The following PCDHGB5 variants were observed in gnomAD, a reference collection of about 807,000 sequenced individuals.
PCDHGB5 encodes the protein protocadherin gamma-B5.
Under a neutral mutation model 62.9 loss-of-function variants are expected in PCDHGB5, and 48 were observed. The observed-to-expected ratio is 0.76, with a 90% CI of 0.61 to 0.97. The LOEUF (loss-of-function observed/expected upper bound fraction) is 0.97, where lower values mean the gene tolerates loss of function less well. PCDHGB5 is among the 50% of genes least tolerant of loss of function. The probability of loss-of-function intolerance (pLI) is 0.00; values close to 1 mark genes in which losing one functional copy is unlikely to be tolerated. For missense variants in PCDHGB5, 1,118 were observed against 1,198.6 expected, an observed-to-expected ratio of 0.93 and a Z score of 0.99; for synonymous variants, 474 against 511.2, an observed-to-expected ratio of 0.93 and a Z score of 0.98.
intron 1 of PCDHGB5, chr5:141,420,315 A>G (rs755723069): frequency 6.2e-6 from 9 of 1,440,144 alleles, no homozygotes; most frequent in Non-Finnish European, 8.4e-6. Context: ...TTATATTACA[A>G]TATGCCAATA....
intron 1 of PCDHGB5, chr5:141,478,687 A>G: frequency 6.4e-7 from 1 of 1,551,218 alleles, no homozygotes; most frequent in Middle Eastern, 1.7e-4. Context: ...CCCTTCCTAG[A>G]TCAAAGTTAG....
At chr5:141,434,392 CA>C (rs1377925864) in intron 1 of PCDHGB5, among the ~76,000 whole-genome samples, 2 of 152,210 alleles carry the variant, frequency 1.3e-5, no homozygotes, top group Non-Finnish European at 2.9e-5. Context: ...TGGCCATAAA[CA>C]AAATCTCTGC....
intron 1 of PCDHGB5, chr5:141,414,687 T>G: frequency 1.2e-6 from 2 of 1,614,004 alleles, no homozygotes; most frequent in East Asian, 4.5e-5. Flanking sequence ...AGGGGGTACC[T>G]CTGTCCTCAT....
At position 141,421,588 on chromosome 5, in the gene PCDHGB5, G is replaced by C; in HGVS notation, c.2397+21064G>C. 3 of 1,613,910 alleles carry C rather than the reference G, an allele frequency of 1.9e-6. No homozygotes were observed. The South Asian group carries it at 3.3e-5, about 18-fold the overall frequency. ...AGACACCTTGAAGATTTACGGAGTGGAGGTGGAAATAATAGATATTAATGA... is the reference window on the plus strand; with the variant it reads ...AGACACCTTGAAGATTTACGGAGTGCAGGTGGAAATAATAGATATTAATGA... On this transcript the variant is annotated intron_variant, in intron 1 of 3. Coordinates refer to ENST00000617380, the MANE Select transcript of PCDHGB5 (RefSeq NM_018925.3).
chr5:141,503,307 G>T (rs1042228003), intron 2 of PCDHGB5, among the ~76,000 whole-genome samples: 5 of 152,096 alleles, frequency 3.3e-5, no homozygotes, highest in African/African-American at 1.2e-4. Context: ...GCTCAAGAAA[G>T]AATTGTTGGA....
rs765353257 is a variant in PCDHGB5 at position 141,431,824 on chromosome 5, G to A, written c.2397+31300G>A. On this transcript the variant is annotated intron_variant, in intron 1 of 3. Coordinates refer to ENST00000617380, the MANE Select transcript of PCDHGB5 (RefSeq NM_018925.3). The surrounding 1 kb of genome is among the most constrained non-coding windows in gnomAD (Gnocchi z 4.8). ...TGGTCCTCACCTCTCTCGCCAGCTC[G>A]GTTCCCGAAAACTCTCCCAGAGGGA... is the stretch of plus-strand genomic sequence containing the variant. The A allele has an allele frequency of 1.3e-5, 21 of 1,614,092 alleles. No homozygotes were observed. In the South Asian group the frequency reaches 2.1e-4, roughly 16 times the overall value.
In PCDHGB5 at chr5:141,491,561, A is replaced by G. The variant is rs1289732955; in HGVS notation, c.2398-3246A>G. ...CCCACAGACTCGCAGAGCCACTGCT[A>G]CAGGACGTGCTTTTCACCGGCCTCG... On this transcript the variant is annotated intron_variant, in intron 1 of 3. Transcript: ENST00000617380. The surrounding 1 kb of genome is among the most constrained non-coding windows in gnomAD (Gnocchi z 6.9). The G allele has an allele frequency of 6.2e-7, 1 of 1,613,938 alleles. No homozygotes were observed. Among genetic ancestry groups the G allele is most frequent in the Non-Finnish European group, 8.5e-7 (1 of 1,180,018 alleles).
At chr5:141,461,242 T>G (rs1246270739) in intron 1 of PCDHGB5, among the ~76,000 whole-genome samples, 1 of 152,170 alleles carries the variant, frequency 6.6e-6, no homozygotes, top group Non-Finnish European at 1.5e-5. Context: ...TGTACTAATT[T>G]ATATTCCCAG....
Position 141,491,742 on chromosome 5 carries a change from C to CA in PCDHGB5, c.2398-3064dup. The CA allele has an allele frequency of 3.1e-6, 5 of 1,596,114 alleles. No individual in the cohort carries two copies. Among genetic ancestry groups the CA allele is most frequent in the Non-Finnish European group, 4.3e-6 (5 of 1,172,424 alleles). ...CGCCCCGGGCGACCCCTGGGGGCGG[C>CA]ACTGGAGAAGCCGCCCGTCCTCATA... On this transcript the variant is annotated intron_variant, in intron 1 of 3. Coordinates refer to ENST00000617380, the MANE Select transcript of PCDHGB5 (RefSeq NM_018925.3). This position sits in a 1 kb window ranked among gnomAD's most constrained non-coding sequence, Gnocchi z 6.9.
rs768994533 is a variant in PCDHGB5 at position 141,486,589 on chromosome 5, C to G, written c.2398-8218C>G. On this transcript the variant is annotated intron_variant, in intron 1 of 3. Transcript: ENST00000617380. This position sits in a 1 kb window ranked among gnomAD's most constrained non-coding sequence, Gnocchi z 5.0. Reference sequence around the variant, plus strand: ...TTCCTGAGAACAATCGCCCAGGGGACCTGCTTTGCTCCCTTGCAGCCTCTG... The same window carrying G: ...TTCCTGAGAACAATCGCCCAGGGGAGCTGCTTTGCTCCCTTGCAGCCTCTG... 1 of 1,613,676 alleles carries G rather than the reference C, an allele frequency of 6.2e-7. No individual in the cohort carries two copies. Among genetic ancestry groups the G allele is most frequent in the Non-Finnish European group, 8.5e-7 (1 of 1,179,996 alleles).
chr5:141,419,065 C>G (rs763008753), intron 1 of PCDHGB5: 2 of 1,613,786 alleles, frequency 1.2e-6, no homozygotes, highest in South Asian at 2.2e-5. Context: ...ATAATTACTA[C>G]AAGCTAGTAA....
At chr5:141,419,663 G>A in intron 1 of PCDHGB5, 1 of 1,612,826 alleles carries the variant, frequency 6.2e-7, no homozygotes, top group Non-Finnish European at 8.5e-7. Flanking sequence ...GGGGCACAAT[G>A]CCTGGCTGTC....
intron 1 of PCDHGB5, chr5:141,433,257 G>T: frequency 7.2e-7 from 1 of 1,385,416 alleles, no homozygotes; most frequent in Non-Finnish European, 9.9e-7. Context: ...GCAGCGGTAC[G>T]ATCATAGCTC....
Position 141,431,240 on chromosome 5 carries a change from G to A in PCDHGB5, c.2397+30716G>A, listed in dbSNP as rs1402814836. 6 of 1,614,044 alleles carry A rather than the reference G, an allele frequency of 3.7e-6. No individual in the cohort carries two copies. Among genetic ancestry groups the A allele is most frequent in the Non-Finnish European group, 5.1e-6 (6 of 1,180,056 alleles). On this transcript the variant is annotated intron_variant, in intron 1 of 3. Coordinates refer to ENST00000617380, the MANE Select transcript of PCDHGB5 (RefSeq NM_018925.3). The surrounding 1 kb of genome is among the most constrained non-coding windows in gnomAD (Gnocchi z 4.8). Reference sequence around the variant, plus strand: ...CCCTCTACCCCACGCCTGGGATCCGGATATCGGGAAGAACTCTCTGCAGAG... The same window carrying A: ...CCCTCTACCCCACGCCTGGGATCCGAATATCGGGAAGAACTCTCTGCAGAG...
At chr5:141,434,489 C>T (rs921000136) in intron 1 of PCDHGB5, among the ~76,000 whole-genome samples, 4 of 152,158 alleles carry the variant, frequency 2.6e-5, no homozygotes, top group Non-Finnish European at 4.4e-5. Flanking sequence ...ACACCTGGCC[C>T]GCCCAGGGCA....
Position 141,399,892 on chromosome 5 carries a change from G to T in PCDHGB5, c.1765G>T (p.Ala589Ser). 1.2e-6 allele frequency: 2 copies of T among 1,612,554 alleles called. No homozygotes were observed. Among genetic ancestry groups the T allele is most frequent in the Non-Finnish European group, 1.7e-6 (2 of 1,179,796 alleles). The change falls in exon 1 of 4, where the codon GCC becomes TCC. Residue 589 changes from alanine (A) to serine (S), a missense_variant. Ala to Ser is a moderately conservative substitution (Grantham distance 99). Coordinates refer to ENST00000617380, the MANE Select transcript of PCDHGB5 (RefSeq NM_018925.3). ...CGGCTACCTGGTGACCAAGGTAGTG[G>T]CCGTGGACGCAGACTCAGGACACAA... is the stretch of plus-strand genomic sequence containing the variant. ...EPGYLVTKVV[A>S]VDADSGHNAW...
At chr5:141,478,725 A>C (rs2099473537) in intron 1 of PCDHGB5, 1 of 1,542,096 alleles carries the variant, frequency 6.5e-7, no homozygotes. Flanking sequence ...GGCCTGCCAG[A>C]GTGTGGTTTG....
chr5:141,432,873 T>G lies in PCDHGB5; in HGVS notation c.2397+32349T>G, dbSNP rs753576338. The stretch of plus-strand genomic sequence containing the variant: ...GTGGCCGCGGTCTCCTGCGTCTTCC[T>G]GGCCTTCGTCATCTTGCTGCTGGCG... On this transcript the variant is annotated intron_variant, in intron 1 of 3. Transcript: ENST00000617380. This position sits in a 1 kb window ranked among gnomAD's most constrained non-coding sequence, Gnocchi z 6.0. 4 of 1,614,204 alleles carry G rather than the reference T, an allele frequency of 2.5e-6. No homozygotes were observed. The highest frequency in any genetic ancestry group is 3.4e-6 in the Non-Finnish European group (4 of 1,180,014).
At position 141,399,528 on chromosome 5, in the gene PCDHGB5, C is replaced by T. The variant is rs749580875; in HGVS notation, c.1401C>T (p.Ile467=). 10 of 1,613,928 alleles carry T rather than the reference C, an allele frequency of 6.2e-6. No homozygotes were observed. The highest frequency in any genetic ancestry group is 7.6e-6 in the Non-Finnish European group (9 of 1,179,900). ...VPENNPPGAS[I]AQVCASDLDL... is the part of the protein sequence containing the mutation. The stretch of plus-strand genomic sequence containing the variant: ...AAAACAACCCTCCTGGGGCCTCCAT[C>T]GCGCAAGTCTGCGCCTCGGACCTGG... The change falls in exon 1 of 4, where the codon ATC becomes ATT. Residue 467 remains isoleucine (I), a synonymous_variant. Coordinates refer to ENST00000617380, the MANE Select transcript of PCDHGB5 (RefSeq NM_018925.3).
Sources: gnomAD v4.1 joint callset for allele counts (sites outside exome capture counted in the v4.1 genomes callset) on GRCh38, gnomAD v4.1.1 for gene constraint, Gnocchi (gnomAD v3.1) non-coding constraint, MANE v1.5 for transcripts, NCBI Gene and HGNC (gene_info 2026-07-23, HGNC 2026-07-21) for gene names.